PARD3: variants seen among roughly 807,000 people sequenced by gnomAD.
The protein encoded by PARD3 is partitioning defective 3 homolog.
Under a neutral mutation model 155.4 loss-of-function variants are expected in PARD3, and 75 were observed. That is an observed-to-expected ratio of 0.48 (90% confidence interval 0.40 to 0.58). PARD3 has a LOEUF of 0.58. PARD3 is among the 20% of genes least tolerant of loss of function. The probability of loss-of-function intolerance (pLI) is 0.00; values close to 1 mark genes in which losing one functional copy is unlikely to be tolerated. For missense variants in PARD3, 1,642 were observed against 1,721.7 expected (o/e 0.95, Z 0.82); for synonymous variants, 576 against 610.5 (o/e 0.94, Z 0.83).
At chr10:34,297,227 C>T (rs368054213) in intron 20 of PARD3, among the ~76,000 whole-genome samples, 5 of 152,060 alleles carry the variant, frequency 3.3e-5, no homozygotes, top group Non-Finnish European at 5.9e-5. Flanking sequence ...TGCTTGAGCC[C>T]AAGAGTTTGA....
chr10:34,268,277 C>A (rs1047160380), intron 22 of PARD3, among the ~76,000 whole-genome samples: 3 of 151,924 alleles, frequency 2.0e-5, no homozygotes, highest in Non-Finnish European at 2.9e-5. Flanking sequence ...AGTCAGGAAA[C>A]AACAGGTGCT....
At chr10:34,231,598 T>A (rs1952936607) in intron 22 of PARD3, among the ~76,000 whole-genome samples, 1 of 152,064 alleles carries the variant, frequency 6.6e-6, no homozygotes, top group Non-Finnish European at 1.5e-5. Flanking sequence ...AAACAGCCAC[T>A]CATTGTTCTC....
chr10:34,359,503 T>C (rs1168488651), intron 13 of PARD3, among the ~76,000 whole-genome samples, 186 bp from the exon 14 acceptor site: 1 of 152,158 alleles, frequency 6.6e-6, no homozygotes, highest in Non-Finnish European at 1.5e-5. Flanking sequence ...TTGTAGCCTG[T>C]GTCTATTTCA....
chr10:34,325,066 G>A (rs1451670590), intron 19 of PARD3, among the ~76,000 whole-genome samples: 1 of 152,012 alleles, frequency 6.6e-6, no homozygotes, highest in Admixed American at 6.6e-5. Flanking sequence ...CTGGAGTGTA[G>A]TGGCGTGATC....
intron 2 of PARD3, among the ~76,000 whole-genome samples, chr10:34,540,691 A>G (rs1008507988): frequency 6.6e-6 from 1 of 152,150 alleles, no homozygotes; most frequent in South Asian, 2.1e-4. Context: ...TGAGGTGGGA[A>G]GATCACCTGA....
chr10:34,111,698 T>C (rs1243856159), intron 24 of PARD3, 136 bp from the exon 25 acceptor site: 1 of 714,134 alleles, frequency 1.4e-6, no homozygotes, highest in Non-Finnish European at 2.3e-6. Flanking sequence ...TGCCAGACAC[T>C]GCGATAGGGG....
At chr10:34,755,552 G>A (rs1836606826) in intron 1 of PARD3, among the ~76,000 whole-genome samples, 2 of 152,146 alleles carry the variant, frequency 1.3e-5, no homozygotes, top group South Asian at 4.1e-4. Flanking sequence ...TCTATGCTCA[G>A]TGCTACTAGG....
At chr10:34,618,270 T>G (rs868711597) in intron 2 of PARD3, among the ~76,000 whole-genome samples, 2 of 152,218 alleles carry the variant, frequency 1.3e-5, no homozygotes, top group Admixed American at 6.5e-5. Flanking sequence ...TCTTTTAACC[T>G]AAGACCTCCC....
rs55681930 is a variant in PARD3, at chr10:34,227,856, T to TTATATA, written c.3419+41795_3419+41800dup. Among the ~76,000 whole-genome samples, 249 of 82,220 alleles carry TTATATA rather than the reference T, an allele frequency of 3.0e-3. 7 individuals carry two copies. The highest frequency in any genetic ancestry group is 6.8e-3 in the Middle Eastern group (1 of 148). 53.9% of individuals were successfully genotyped at this position (82,220 alleles called of 152,430 possible). ...TATTCCCAGTAATGGGAATTATTTTTTATATATATATATATATATATATAT... is the reference window on the plus strand; with the variant it reads ...TATTCCCAGTAATGGGAATTATTTTTTATATATATATATATATATATATATATATAT... On this transcript the variant is annotated intron_variant, in intron 22 of 24. Transcript: ENST00000374788.
Position 34,517,080 on chromosome 10 carries a change from G to T in PARD3, c.302C>A (p.Pro101Gln). ...GCCAAGCTCACTACCAAATATCTCTGGGCTCTGGGTACCCGTGGAACTGGC... is the reference window on the plus strand; with the variant it reads ...GCCAAGCTCACTACCAAATATCTCTTGGCTCTGGGTACCCGTGGAACTGGC... ...TSASSTGTQS[P>Q]EIFGSELGTN... is the part of the protein sequence containing the mutation. The change falls in exon 3 of 25, where the codon CCA (proline) becomes CAA (glutamine). Residue 101 changes from proline to glutamine, a missense_variant. This residue lies in a region of PARD3 where 1,529 missense variants were observed against 1,587.3 expected (regional missense o/e 0.96). Coordinates refer to ENST00000374788, the MANE Select transcript of PARD3 (RefSeq NM_001184785.2). The T allele has an allele frequency of 6.2e-7, 1 of 1,614,158 alleles. No homozygotes were observed. The highest frequency in any genetic ancestry group is 8.5e-7 in the Non-Finnish European group (1 of 1,180,000).
intron 22 of PARD3, among the ~76,000 whole-genome samples, chr10:34,139,830 G>A (rs1948089596): frequency 6.6e-6 from 1 of 152,192 alleles, no homozygotes; most frequent in Non-Finnish European, 1.5e-5. Flanking sequence ...GCATTGGGGG[G>A]ATAAATGTCA....
intron 2 of PARD3, among the ~76,000 whole-genome samples, chr10:34,628,365 C>T (rs951458159): frequency 4.6e-5 from 7 of 152,222 alleles, no homozygotes; most frequent in South Asian, 4.1e-4. Context: ...ATCTCTAATA[C>T]GTCCATTCAG....
intron 2 of PARD3, among the ~76,000 whole-genome samples, chr10:34,573,226 C>T (rs1277800897): frequency 4.6e-5 from 7 of 151,824 alleles, no homozygotes; most frequent in Non-Finnish European, 7.4e-5. Context: ...TGTGATGGCA[C>T]ATGTCTGTAG....
intron 14 of PARD3, among the ~76,000 whole-genome samples, chr10:34,355,549 G>C (rs1486127000): frequency 6.6e-6 from 1 of 152,130 alleles, no homozygotes; most frequent in Admixed American, 6.5e-5. Flanking sequence ...CTGTGAGCTG[G>C]AAAGAGGATG....
chr10:34,253,989 T>A (rs1236029185), intron 22 of PARD3, among the ~76,000 whole-genome samples: 1 of 152,040 alleles, frequency 6.6e-6, no homozygotes, highest in African/African-American at 2.4e-5. Context: ...AGCACGCACA[T>A]TGCTCCAGTG....
intron 2 of PARD3, among the ~76,000 whole-genome samples, chr10:34,529,796 C>CA (rs1044300422): frequency 1.3e-5 from 2 of 151,746 alleles, no homozygotes; most frequent in African/African-American, 4.8e-5. Flanking sequence ...TGCAGTGGTG[C>CA]AATCTTGGCT....
chr10:34,427,631 GA>G (rs2075688652), intron 5 of PARD3, among the ~76,000 whole-genome samples: 1 of 152,040 alleles, frequency 6.6e-6, no homozygotes, highest in African/African-American at 2.4e-5. Context: ...TGATCTCTGT[GA>G]CCCACACCCT....
At chr10:34,623,464 T>A (rs1590275687) in intron 2 of PARD3, among the ~76,000 whole-genome samples, 1 of 152,228 alleles carries the variant, frequency 6.6e-6, no homozygotes, top group Non-Finnish European at 1.5e-5. Context: ...TCTTCAACTT[T>A]AATTGAAAAC....
At chr10:34,732,688 ACAAT>A (rs1203688882) in intron 1 of PARD3, among the ~76,000 whole-genome samples, 1 of 152,242 alleles carries the variant, frequency 6.6e-6, no homozygotes, top group South Asian at 2.1e-4. Context: ...ACAGAGCAAG[ACAAT>A]CAATCAATCA....
Sources: allele counts gnomAD v4.1 joint callset (sites outside exome capture counted in the v4.1 genomes callset), GRCh38; gene constraint gnomAD v4.1.1; regional missense constraint gnomAD v4.1.1; transcripts MANE v1.5; gene names NCBI Gene and HGNC (gene_info 2026-07-23, HGNC 2026-07-21).